The following PMP22 variants were observed in gnomAD, a reference collection of about 807,000 sequenced individuals.
PMP22 encodes peripheral myelin protein 22.
PMP22 carries 2 observed loss-of-function variants against 18.9 expected under a neutral mutation model. That is an observed-to-expected ratio of 0.11 (90% CI 0.04 to 0.33). The LOEUF is 0.33. PMP22 is among the 10% of genes least tolerant of loss of function. The pLI is 1.00. For synonymous variants in PMP22, 95 were observed against 89.2 expected, an observed-to-expected ratio of 1.07 and a Z score of -0.37; for missense variants, 169 against 202.2, an observed-to-expected ratio of 0.84 and a Z score of 1.00.
Position 15,253,214 on chromosome 17 carries a change from C to T in PMP22, c.178+5880G>A, listed in dbSNP as rs533741280. Among the ~76,000 whole-genome samples the T allele has an allele frequency of 3.0e-3, 463 of 152,260 alleles. 2 individuals are homozygous for T. The highest frequency in any genetic ancestry group is 0.01 in the African/African-American group (423 of 41,546). ...CAGGAACTGGCCTCATTCAAAGCGA[C>T]GCCATGGACCCTGCGTGCCATGCCC... is the stretch of plus-strand genomic sequence containing the variant. On this transcript the variant is annotated intron_variant, in intron 3 of 4. Transcript: ENST00000312280.
At chr17:15,253,762 TC>T (rs1379840309) in intron 3 of PMP22, among the ~76,000 whole-genome samples, 1 of 152,074 alleles carries the variant, frequency 6.6e-6, no homozygotes, top group East Asian at 1.9e-4. Context: ...GTATGGAACC[TC>T]CCCGAGATGT....
chr17:15,232,180 T>C (rs1567699789), intron 4 of PMP22, among the ~76,000 whole-genome samples: 1 of 152,092 alleles, frequency 6.6e-6, no homozygotes, highest in Non-Finnish European at 1.5e-5. Flanking sequence ...TTTGGGCTGC[T>C]GTTTTACTGG....
chr17:15,238,963 A>G (rs889697345), intron 4 of PMP22, among the ~76,000 whole-genome samples: 2 of 152,198 alleles, frequency 1.3e-5, no homozygotes, highest in African/African-American at 2.4e-5. Context: ...AGAATCTAGG[A>G]ACTGGAAGCA....
At chr17:15,243,977 G>A (rs946063643) in intron 3 of PMP22, among the ~76,000 whole-genome samples, 4 of 151,782 alleles carry the variant, frequency 2.6e-5, no homozygotes. Context: ...ATAAACCAGT[G>A]GGGAAAAATA....
At position 15,265,143 on chromosome 17, in the gene PMP22, A is replaced by G. The variant is rs1369318410; in HGVS notation, c.-35+11T>C. On this transcript the variant is annotated intron_variant, in intron 1 of 4. Coordinates refer to ENST00000312280, the MANE Select transcript of PMP22 (RefSeq NM_000304.4). ...CATCACCCAGAGGCACAGTTTGCCA[A>G]TAAAACTCACCCGGCCAAACAGCGT... is the stretch of plus-strand genomic sequence containing the variant. The G allele has an allele frequency of 2.0e-5, 3 of 152,172 alleles. No homozygotes were observed. Among genetic ancestry groups the G allele is most frequent in the South Asian group, 2.1e-4 (1 of 4,828 alleles). 9.4% of individuals were successfully genotyped at this position (152,172 alleles called of 1,614,324 possible).
chr17:15,247,896 C>T (rs8077547), intron 3 of PMP22, among the ~76,000 whole-genome samples: 1,676 of 152,278 alleles, frequency 0.011, 36 homozygotes, highest in African/African-American at 0.038. Flanking sequence ...TAACACCTCC[C>T]ATTTGCATAG....
chr17:15,236,606 C>T (rs1460368283), intron 4 of PMP22, among the ~76,000 whole-genome samples: 2 of 150,884 alleles, frequency 1.3e-5, no homozygotes, highest in East Asian at 3.9e-4. Context: ...CTGACTACTT[C>T]CTTGATGTTA....
chr17:15,239,198 G>A (rs1907069843), intron 4 of PMP22: 8 of 606,548 alleles, frequency 1.3e-5, no homozygotes, highest in Non-Finnish European at 2.3e-5. Flanking sequence ...GATACGCCTG[G>A]CTTGGGTGGG....
intron 4 of PMP22, among the ~76,000 whole-genome samples, chr17:15,237,420 C>T (rs1906908136): frequency 6.6e-6 from 1 of 152,224 alleles, no homozygotes. Context: ...TCAACAGCAG[C>T]TTACCTCTTC....
At chr17:15,251,633 C>T (rs953509014) in intron 3 of PMP22, 3 of 151,714 alleles carry the variant, frequency 2.0e-5, no homozygotes, top group African/African-American at 7.4e-5. Flanking sequence ...GGGTCCCTGC[C>T]AGTGTTGGGG....
chr17:15,250,518 T>C lies in PMP22; in HGVS notation c.178+8576A>G, dbSNP rs140521094. On this transcript the variant is annotated intron_variant, in intron 3 of 4. Coordinates refer to ENST00000312280, the MANE Select transcript of PMP22 (RefSeq NM_000304.4). Reference sequence around the variant, plus strand: ...TGAAGTGATTTGCTGACCTCTCTGATGGTCAAAATATAAATCCTGATTTCT... The same window carrying C: ...TGAAGTGATTTGCTGACCTCTCTGACGGTCAAAATATAAATCCTGATTTCT... 1.8e-3 allele frequency among the ~76,000 whole-genome samples: 281 copies of C among 152,300 alleles called. 1 individual carries two copies. Among genetic ancestry groups the C allele is most frequent in the African/African-American group, 6.4e-3 (264 of 41,568 alleles).
intron 3 of PMP22, among the ~76,000 whole-genome samples, chr17:15,246,050 A>G (rs1279364295): frequency 6.6e-6 from 1 of 151,950 alleles, no homozygotes; most frequent in African/African-American, 2.4e-5. Context: ...AGAAAATGAG[A>G]GCCACAATGT....
chr17:15,231,225 A>G (rs1906321012), intron 4 of PMP22, 145 bp from the exon 5 acceptor site: 3 of 817,498 alleles, frequency 3.7e-6, no homozygotes, highest in Non-Finnish European at 6.1e-6. Flanking sequence ...CAGAATTGAA[A>G]GGAGGTAGCA....
chr17:15,258,735 T>C lies in PMP22; in HGVS notation c.178+359A>G, dbSNP rs1328199869. On this transcript the variant is annotated intron_variant, in intron 3 of 4. Coordinates refer to ENST00000312280, the MANE Select transcript of PMP22 (RefSeq NM_000304.4). The surrounding 1 kb of genome is among the most constrained non-coding windows in gnomAD (Gnocchi z 4.1). ...ATAGAGACAGCCACCAAACCAAAGA[T>C]ACACGTTTGATCCAATGTCCCAAGG... is the stretch of plus-strand genomic sequence containing the variant. 1 of 352,050 alleles carries C rather than the reference T, an allele frequency of 2.8e-6. No individual in the cohort carries two copies. Among genetic ancestry groups the C allele is most frequent in the African/African-American group, 2.1e-5 (1 of 47,032 alleles). 21.8% of individuals were successfully genotyped at this position (352,050 alleles called of 1,614,324 possible).
Position 15,258,394 on chromosome 17 carries a change from A to G in PMP22, c.178+700T>C, listed in dbSNP as rs1348965183. On this transcript the variant is annotated intron_variant, in intron 3 of 4. Coordinates refer to ENST00000312280, the MANE Select transcript of PMP22 (RefSeq NM_000304.4). This position sits in a 1 kb window ranked among gnomAD's most constrained non-coding sequence, Gnocchi z 4.1. ...TTCCCTCTGGGTGCCTTGGGTACCTAGTTGGTGCTTCTGCTGCCAATTATC... is the reference window on the plus strand; with the variant it reads ...TTCCCTCTGGGTGCCTTGGGTACCTGGTTGGTGCTTCTGCTGCCAATTATC... 1.3e-5 allele frequency among the ~76,000 whole-genome samples: 2 copies of G among 152,128 alleles called. No homozygotes were observed. Among genetic ancestry groups the G allele is most frequent in the East Asian group, 1.9e-4 (1 of 5,158 alleles).
At chr17:15,237,119 C>A (rs574239957) in intron 4 of PMP22, among the ~76,000 whole-genome samples, 1 of 152,298 alleles carries the variant, frequency 6.6e-6, no homozygotes, top group South Asian at 2.1e-4. Flanking sequence ...CAGCACAGTT[C>A]TAAACATCTT....
chr17:15,235,869 C>A lies in PMP22; in HGVS notation c.319+3602G>T, dbSNP rs1170964932. Among the ~76,000 whole-genome samples the A allele has an allele frequency of 2.0e-5, 3 of 152,190 alleles. No homozygotes were observed. In the East Asian group the frequency reaches 5.8e-4, roughly 29 times the overall value. On this transcript the variant is annotated intron_variant, in intron 4 of 4. Coordinates refer to ENST00000312280, the MANE Select transcript of PMP22 (RefSeq NM_000304.4). ...CTAGGTTCAAGTGATTCTTCTCTGCCTCAGTTTCCCAAGTAGCTGGGACTA... is the reference window on the plus strand; with the variant it reads ...CTAGGTTCAAGTGATTCTTCTCTGCATCAGTTTCCCAAGTAGCTGGGACTA...
intron 2 of PMP22, 97 bp from the exon 3 acceptor site, chr17:15,259,290 C>T (rs1909102245): frequency 1.1e-6 from 1 of 948,078 alleles, no homozygotes. Context: ...AAAGCACCCG[C>T]ATCCACCTAG....
intron 4 of PMP22, among the ~76,000 whole-genome samples, chr17:15,237,140 T>G (rs1186313059): frequency 6.6e-6 from 1 of 152,228 alleles, no homozygotes; most frequent in African/African-American, 2.4e-5. Flanking sequence ...GTATTGACTT[T>G]GGAGGAGAAT....
Sources: allele counts gnomAD v4.1 joint callset (sites outside exome capture counted in the v4.1 genomes callset), GRCh38; gene constraint gnomAD v4.1.1; non-coding constraint Gnocchi (gnomAD v3.1); transcripts MANE v1.5; gene names NCBI Gene and HGNC (gene_info 2026-07-23, HGNC 2026-07-21).